FBXO25: variants seen among roughly 807,000 people sequenced by gnomAD.
FBXO25 encodes the protein F-box only protein 25.
FBXO25 carries 45 observed loss-of-function variants against 51.9 expected under a neutral mutation model. The ratio of observed to expected loss-of-function variants is 0.87; its 90% CI spans 0.68 to 1.11. FBXO25 has a LOEUF of 1.11. Ranked by LOEUF, FBXO25 falls within the 50% of genes most tolerant of loss-of-function variation. The pLI, the probability that FBXO25 is intolerant of heterozygous loss-of-function variation, is 0.00. For missense variants in FBXO25, 507 were observed against 428.5 expected (o/e 1.18, Z -1.62); for synonymous variants, 199 against 151.0 (o/e 1.32, Z -2.33).
In FBXO25 at chr8:477,066, T is replaced by C. The variant is rs953510662; in HGVS notation, c.*8262T>C. 1 of 152,244 alleles carries C rather than the reference T, an allele frequency of 6.6e-6. No individual in the cohort carries two copies. Among genetic ancestry groups the C allele is most frequent in the Non-Finnish European group, 1.5e-5 (1 of 68,048 alleles). The allele number at this position is 152,244 out of a possible 1,614,324, so 9.4% of individuals were successfully genotyped here. A position where few individuals can be genotyped will look rare whatever the true frequency, so the allele number is the denominator to read the frequency against. ...ATTAATCTGCTGGTTGAGAGCGTTG[T>C]TTAATTTTCACATAATTGTGTACTT... On this transcript the variant is annotated 3_prime_UTR_variant, in exon 10 of 10. Transcript: ENST00000350302.
At chr8:443,274 T>C (rs1798538756) in intron 5 of FBXO25, among the ~76,000 whole-genome samples, 1 of 149,994 alleles carries the variant, frequency 6.7e-6, no homozygotes, top group African/African-American at 2.5e-5. Context: ...CCGAATTATA[T>C]TGGAAGTTTG....
chr8:468,571 A>C, intron 9 of FBXO25, 144 bp from the exon 10 acceptor site: 1 of 613,362 alleles, frequency 1.6e-6, no homozygotes, highest in African/African-American at 1.9e-5. Flanking sequence ...TGTGTTGGTC[A>C]TTCTCATCCA....
intron 2 of FBXO25, among the ~76,000 whole-genome samples, chr8:419,244 C>T (rs576941949): frequency 1.3e-5 from 2 of 152,198 alleles, no homozygotes; most frequent in Admixed American, 1.3e-4. Context: ...TGACAGGTGC[C>T]TGTAATCCCA....
At chr8:412,953 A>G (rs1367768154) in intron 1 of FBXO25, 120 bp from the exon 2 acceptor site, 2 of 946,236 alleles carry the variant, frequency 2.1e-6, no homozygotes, top group Non-Finnish European at 2.9e-6. Flanking sequence ...CCAACGTTTA[A>G]TTAATGAGCA....
Position 474,766 on chromosome 8 carries a change from T to G in FBXO25, c.*5962T>G, listed in dbSNP as rs769639566. On this transcript the variant is annotated 3_prime_UTR_variant, in exon 10 of 10. Transcript: ENST00000350302. ...TTCACCCTTTTCAGATATATCATTT[T>G]AAAATACTTTGTCCCATTCCGTGGA... The G allele has an allele frequency of 2.2e-6, 1 of 456,714 alleles. No homozygotes were observed. The highest frequency in any genetic ancestry group is 6.9e-5 in the East Asian group (1 of 14,398). 28.3% of individuals were successfully genotyped at this position (456,714 alleles called of 1,614,324 possible).
At position 426,880 on chromosome 8, in the gene FBXO25, C is replaced by T. The variant is rs534835873; in HGVS notation, c.135-4461C>T. 2.5e-4 allele frequency among the ~76,000 whole-genome samples: 38 copies of T among 151,064 alleles called. No homozygotes were observed. The South Asian group carries it at 4.0e-3, about 16-fold the overall frequency. On this transcript the variant is annotated intron_variant, in intron 2 of 9. Coordinates refer to ENST00000350302, the MANE Select transcript of FBXO25 (RefSeq NM_183420.2). ...ATGTAAGAAGGGTGTGTTAAGAGTC[C>T]GTAAGTGTGTCGTGTTAGATATTTA... is the stretch of plus-strand genomic sequence containing the variant.
intron 1 of FBXO25, among the ~76,000 whole-genome samples, chr8:410,103 C>G (rs796594174): frequency 4.1e-4 from 62 of 152,284 alleles, no homozygotes; most frequent in African/African-American, 1.2e-3. Context: ...GTCCTAGTTT[C>G]TAGTCAGAGC....
At chr8:426,383 G>T in intron 2 of FBXO25, among the ~76,000 whole-genome samples, 1 of 152,028 alleles carries the variant, frequency 6.6e-6, no homozygotes, top group Non-Finnish European at 1.5e-5. Context: ...TTCTGGACCT[G>T]TAATCCCTAC....
chr8:407,520 C>G (rs1431053672), intron 1 of FBXO25: 21 of 865,438 alleles, frequency 2.4e-5, no homozygotes, highest in African/African-American at 5.5e-5. Context: ...CGTCCTCAGC[C>G]GCTTCCCCTG....
intron 5 of FBXO25, 57 bp downstream of exon 5, chr8:435,764 A>G: frequency 6.4e-7 from 1 of 1,553,976 alleles, no homozygotes; most frequent in Non-Finnish European, 8.7e-7. Context: ...CTATATTTTG[A>G]AGATTGTAAG....
At chr8:416,393 A>G (rs548334061) in intron 2 of FBXO25, among the ~76,000 whole-genome samples, 3 of 152,328 alleles carry the variant, frequency 2.0e-5, no homozygotes, top group East Asian at 3.9e-4. Context: ...TTTCATCTTC[A>G]TTGACTTTAT....
rs1202705403 is a variant in FBXO25, at chr8:469,852, A to C, written c.*1048A>C. Reference sequence around the variant, plus strand: ...CTTTTTCCTTTAAGCATAATAATAAAAGTATACTTTTATGGCGTTATAAAT... The same window carrying C: ...CTTTTTCCTTTAAGCATAATAATAACAGTATACTTTTATGGCGTTATAAAT... On this transcript the variant is annotated 3_prime_UTR_variant, in exon 10 of 10. Transcript: ENST00000350302. 1 of 152,198 alleles carries C rather than the reference A, an allele frequency of 6.6e-6. No individual in the cohort carries two copies. The highest frequency in any genetic ancestry group is 1.5e-5 in the Non-Finnish European group (1 of 68,034). 9.4% of individuals were successfully genotyped at this position (152,198 alleles called of 1,614,324 possible).
At chr8:436,479 T>A (rs938565245) in intron 5 of FBXO25, among the ~76,000 whole-genome samples, 4 of 152,172 alleles carry the variant, frequency 2.6e-5, no homozygotes, top group Non-Finnish European at 5.9e-5. Flanking sequence ...TTAGATAATA[T>A]TATTTGTTCA....
At chr8:459,785 A>C (rs1799688576) in intron 8 of FBXO25, among the ~76,000 whole-genome samples, 1 of 152,180 alleles carries the variant, frequency 6.6e-6, no homozygotes, top group South Asian at 2.1e-4. Context: ...GCAGGGCCTC[A>C]GGGCACCAAC....
intron 5 of FBXO25, among the ~76,000 whole-genome samples, chr8:442,583 C>T (rs1798493621): frequency 6.6e-6 from 1 of 152,138 alleles, no homozygotes; most frequent in Non-Finnish European, 1.5e-5. Flanking sequence ...GATTCTCCTG[C>T]CTCAGCTTCC....
Position 475,525 on chromosome 8 carries a change from C to G in FBXO25, c.*6721C>G, listed in dbSNP as rs527341451. ...TCTATAGATTGCTTTGGACTATGGA[C>G]ATCTTAAGGTATCCAATCCATAAAC... On this transcript the variant is annotated 3_prime_UTR_variant, in exon 10 of 10. Transcript: ENST00000350302. 2 of 152,148 alleles carry G rather than the reference C, an allele frequency of 1.3e-5. No individual in the cohort carries two copies. The highest frequency in any genetic ancestry group is 1.3e-4 in the Admixed American group (2 of 15,282). The allele number at this position is 152,148 out of a possible 1,614,324, so 9.4% of individuals were successfully genotyped here.
At chr8:425,478 T>A (rs1190976048) in intron 2 of FBXO25, among the ~76,000 whole-genome samples, 1 of 151,908 alleles carries the variant, frequency 6.6e-6, no homozygotes, top group Non-Finnish European at 1.5e-5. Flanking sequence ...GCTTTTGGAT[T>A]TACTTCTTAG....
chr8:413,378 C>A (rs1796603219), intron 2 of FBXO25, among the ~76,000 whole-genome samples, 165 bp downstream of exon 2: 1 of 151,794 alleles, frequency 6.6e-6, no homozygotes. Context: ...TAGTAGATTG[C>A]CTAATATTCA....
intron 5 of FBXO25, among the ~76,000 whole-genome samples, chr8:441,122 A>T (rs1259399957): frequency 2.0e-5 from 3 of 151,352 alleles, no homozygotes; most frequent in Non-Finnish European, 4.4e-5. Flanking sequence ...ACTATATTAC[A>T]AGGCTACAGT....
Sources: gnomAD v4.1 joint callset for allele counts (sites outside exome capture counted in the v4.1 genomes callset) on GRCh38, gnomAD v4.1.1 for gene constraint, MANE v1.5 for transcripts, NCBI Gene and HGNC (gene_info 2026-07-23, HGNC 2026-07-21) for gene names.